The following RIMKLB variants were observed in gnomAD, a reference collection of about 807,000 sequenced individuals.
The protein encoded by RIMKLB is beta-citrylglutamate synthase B.
Under a neutral mutation model 32.0 loss-of-function variants are expected in RIMKLB, and 7 were observed. That is an observed-to-expected ratio of 0.22 (90% confidence interval 0.12 to 0.41). The LOEUF (loss-of-function observed/expected upper bound fraction) is 0.41, where lower values mean the gene tolerates loss of function less well. RIMKLB is among the 10% of genes least tolerant of loss of function. The probability of loss-of-function intolerance (pLI) is 1.00; values close to 1 mark genes in which losing one functional copy is unlikely to be tolerated. For synonymous variants in RIMKLB, 172 were observed against 185.1 expected (o/e 0.93, Z 0.57); for missense variants, 289 against 498.7 (o/e 0.58, Z 4.00).
chr12:8,731,545 T>G (rs1946548206), intron 2 of RIMKLB, among the ~76,000 whole-genome samples: 1 of 152,172 alleles, frequency 6.6e-6, no homozygotes, highest in African/African-American at 2.4e-5. Context: ...TAGTGGTTCT[T>G]TAAGCTCTGG....
intron 5 of RIMKLB, among the ~76,000 whole-genome samples, chr12:8,763,387 C>T (rs1949695573): frequency 6.6e-6 from 1 of 152,156 alleles, no homozygotes; most frequent in Non-Finnish European, 1.5e-5. Context: ...TTGCTTTAGG[C>T]GTACATCTGA....
chr12:8,701,877 C>T (rs1189807499), intron 1 of RIMKLB, among the ~76,000 whole-genome samples: 2 of 151,310 alleles, frequency 1.3e-5, no homozygotes, highest in Non-Finnish European at 1.5e-5. Context: ...TGGTGGTGTG[C>T]GTCTGTAATC....
intron 2 of RIMKLB, among the ~76,000 whole-genome samples, chr12:8,738,429 A>G (rs1947213868): frequency 6.6e-6 from 1 of 152,224 alleles, no homozygotes; most frequent in African/African-American, 2.4e-5. Flanking sequence ...AAGTTGATGT[A>G]GTAATAACGA....
intron 1 of RIMKLB, among the ~76,000 whole-genome samples, chr12:8,711,149 G>A (rs1944342111): frequency 6.6e-6 from 1 of 151,926 alleles, no homozygotes; most frequent in Admixed American, 6.6e-5. Flanking sequence ...CAGGAGAATT[G>A]CTTGAACCCA....
At chr12:8,751,729 C>CT (rs753343238) in intron 3 of RIMKLB, among the ~76,000 whole-genome samples, 6 of 152,140 alleles carry the variant, frequency 3.9e-5, no homozygotes, top group Non-Finnish European at 7.4e-5. Flanking sequence ...CTGAAAGATA[C>CT]TTAAGTTAGA....
chr12:8,680,159 G>A (rs745635914), upstream of RIMKLB, among the ~76,000 whole-genome samples: 20 of 152,094 alleles, frequency 1.3e-4, no homozygotes, highest in Non-Finnish European at 1.0e-4. Flanking sequence ...AATAAGCCAC[G>A]CCTTATTTTT....
chr12:8,678,725 G>A (rs1279048356), upstream of RIMKLB: 2 of 152,240 alleles, frequency 1.3e-5, no homozygotes, highest in African/African-American at 2.4e-5. Flanking sequence ...CTGGAATGCG[G>A]GGCTGTGTTC....
intron 2 of RIMKLB, among the ~76,000 whole-genome samples, chr12:8,722,709 A>G (rs908511289): frequency 1.3e-5 from 2 of 152,250 alleles, no homozygotes; most frequent in Non-Finnish European, 2.9e-5. Flanking sequence ...AATCCATTGT[A>G]TAGTGCGGCC....
At position 8,691,744 on chromosome 12, in the gene RIMKLB, G is replaced by C. The variant is rs117802466; in HGVS notation, n.219+9926G>C. 4.9e-3 allele frequency among the ~76,000 whole-genome samples: 742 copies of C among 152,334 alleles called. 5 individuals are homozygous for C. The highest frequency in any genetic ancestry group is 0.017 in the East Asian group (90 of 5,190). On this transcript the variant is annotated intron_variant and non_coding_transcript_variant, in intron 1 of 1. Coordinates refer to the RIMKLB transcript ENST00000538758. ...TTAGACTACTGAACAGGGCTCCCCA[G>C]TCTAAGTCTTTCATTGTACAAAAAA...
chr12:8,693,401 C>CTTTCT (rs1565541679), upstream of RIMKLB, among the ~76,000 whole-genome samples: 3 of 141,110 alleles, frequency 2.1e-5, no homozygotes. Flanking sequence ...TTCTTTCTTT[C>CTTTCT]TTTTTTTTTT....
chr12:8,731,035 C>T (rs987671885), intron 2 of RIMKLB, among the ~76,000 whole-genome samples: 2 of 149,324 alleles, frequency 1.3e-5, no homozygotes, highest in South Asian at 2.1e-4. Context: ...CCACCGTGCC[C>T]GGCCTCAATG....
chr12:8,734,835 G>T (rs1565593566), intron 2 of RIMKLB, among the ~76,000 whole-genome samples: 2 of 152,122 alleles, frequency 1.3e-5, no homozygotes, highest in South Asian at 4.1e-4. Context: ...TCTTCCAGAT[G>T]GAGAAAGTAA....
At chr12:8,689,344 T>C (rs1430754273) in intron 1 of RIMKLB, among the ~76,000 whole-genome samples, 1 of 152,226 alleles carries the variant, frequency 6.6e-6, no homozygotes, top group Admixed American at 6.5e-5. Context: ...AAAAGAGACG[T>C]CCTCGTTGGG....
At chr12:8,719,472 G>A (rs1565573062) in intron 2 of RIMKLB, among the ~76,000 whole-genome samples, 1 of 152,062 alleles carries the variant, frequency 6.6e-6, no homozygotes, top group African/African-American at 2.4e-5. Flanking sequence ...AGATTCAAGC[G>A]ATTCTCCTGC....
At position 8,775,715 on chromosome 12, in the gene RIMKLB, T is replaced by C. The variant is rs1378099623; in HGVS notation, c.*1931T>C. On this transcript the variant is annotated 3_prime_UTR_variant, in exon 6 of 6. Transcript: ENST00000535829. Reference sequence around the variant, plus strand: ...GTTTTTTCCATAGAATTAAATAATATTAAAATTGAGTGAAAGGTTGATTGT... The same window carrying C: ...GTTTTTTCCATAGAATTAAATAATACTAAAATTGAGTGAAAGGTTGATTGT... The C allele has an allele frequency of 1.0e-6, 1 of 983,866 alleles. No homozygotes were observed. The highest frequency in any genetic ancestry group is 1.2e-6 in the Non-Finnish European group (1 of 828,268). 60.9% of individuals were successfully genotyped at this position (983,866 alleles called of 1,614,324 possible). A position where few individuals can be genotyped will look rare whatever the true frequency, so the allele number is the denominator to read the frequency against.
intron 1 of RIMKLB, among the ~76,000 whole-genome samples, chr12:8,713,016 A>G (rs1309907366): frequency 6.6e-6 from 1 of 152,200 alleles, no homozygotes; most frequent in African/African-American, 2.4e-5. Context: ...TGTTCATGAT[A>G]CAAACTCAGA....
intron 1 of RIMKLB, among the ~76,000 whole-genome samples, chr12:8,702,319 C>T (rs142162074): frequency 2.6e-5 from 4 of 152,186 alleles, no homozygotes; most frequent in Admixed American, 6.5e-5. Context: ...TTAGGAAATG[C>T]GTACTAATTT....
chr12:8,677,779 G>T (rs534782001), upstream of RIMKLB, among the ~76,000 whole-genome samples: 23 of 150,512 alleles, frequency 1.5e-4, 1 homozygote, highest in African/African-American at 5.4e-4. Context: ...TTGAGACAGG[G>T]TCTCACTCTG....
At chr12:8,741,326 C>T (rs1332656328) in intron 2 of RIMKLB, among the ~76,000 whole-genome samples, 3 of 150,850 alleles carry the variant, frequency 2.0e-5, no homozygotes, top group African/African-American at 2.5e-5. Flanking sequence ...TGCAGTGAGC[C>T]GAGATCGCAC....
Sources: allele counts gnomAD v4.1 joint callset (sites outside exome capture counted in the v4.1 genomes callset), GRCh38; gene constraint gnomAD v4.1.1; transcripts MANE v1.5; gene names NCBI Gene and HGNC (gene_info 2026-07-23, HGNC 2026-07-21).